Variants in KANK2 observed in about 807,000 individuals in gnomAD.
KANK2 encodes KN motif and ankyrin repeat domains 2.
A neutral mutation model predicts 74.6 loss-of-function variants in KANK2; 41 were observed. The ratio of observed to expected loss-of-function variants is 0.55; its 90% CI spans 0.43 to 0.71. The LOEUF (loss-of-function observed/expected upper bound fraction) is 0.71, where lower values mean the gene tolerates loss of function less well. Ranked by LOEUF, KANK2 falls within the 30% of genes least tolerant of loss-of-function variation. The pLI, the probability that KANK2 is intolerant of heterozygous loss-of-function variation, is 0.00. For missense variants in KANK2, 1,148 were observed against 1,196.4 expected, an observed-to-expected ratio of 0.96 and a Z score of 0.60; for synonymous variants, 537 against 519.0, an observed-to-expected ratio of 1.03 and a Z score of -0.47.
intron 9 of KANK2, among the ~76,000 whole-genome samples, chr19:11,173,709 G>C (rs1177310173): frequency 6.6e-6 from 1 of 152,208 alleles, no homozygotes; most frequent in Non-Finnish European, 1.5e-5. Flanking sequence ...TGGGAAGGAA[G>C]TGTCTCCTCC....
At chr19:11,181,538 C>T (rs386474433) in intron 4 of KANK2, among the ~76,000 whole-genome samples, 294 of 152,208 alleles carry the variant, frequency 1.9e-3, no homozygotes, top group Non-Finnish European at 2.9e-3. Context: ...GGAACCACTG[C>T]GCCCAGCCCT....
At position 11,164,970 on chromosome 19, in the gene KANK2, CCTCGAAAGGG is replaced by C. The variant is rs2077991517; in HGVS notation, c.*1578_*1587del. 1 of 152,132 alleles carries C rather than the reference CCTCGAAAGGG, an allele frequency of 6.6e-6. No homozygotes were observed. Among genetic ancestry groups the C allele is most frequent in the Non-Finnish European group, 1.5e-5 (1 of 68,040 alleles). 9.4% of individuals were successfully genotyped at this position (152,132 alleles called of 1,614,324 possible). ...AAGCCTTGGAGGCTGAGCTCACTGG[CCTCGAAAGGG>C]CAGCGCGCGTATTTGGTTTGGAGCG... On this transcript the variant is annotated 3_prime_UTR_variant, in exon 13 of 13. Coordinates refer to ENST00000586659, the MANE Select transcript of KANK2 (RefSeq NM_001136191.3).
chr19:11,166,854 G>T (rs961295617), intron 12 of KANK2, among the ~76,000 whole-genome samples: 2 of 152,144 alleles, frequency 1.3e-5, no homozygotes, highest in Admixed American at 1.3e-4. Context: ...GTCAGGGAGG[G>T]TGAGTTCTCA....
chr19:11,194,404 G>C (rs1164746061), intron 3 of KANK2, 71 bp downstream of exon 3: 1 of 1,282,278 alleles, frequency 7.8e-7, no homozygotes, highest in Non-Finnish European at 1.1e-6. Context: ...CCAGGGCAAG[G>C]TCCCCAGCCC....
At chr19:11,180,520 A>G (rs1313798842) in intron 4 of KANK2, among the ~76,000 whole-genome samples, 1 of 152,248 alleles carries the variant, frequency 6.6e-6, no homozygotes, top group African/African-American at 2.4e-5. Context: ...GGCCGGCTGC[A>G]TGAGACACTC....
At chr19:11,167,813 C>T in intron 12 of KANK2, among the ~76,000 whole-genome samples, 1 of 151,644 alleles carries the variant, frequency 6.6e-6, no homozygotes. Context: ...CAGGCGTGAA[C>T]CAGTGAGTCT....
intron 2 of KANK2, 107 bp downstream of exon 2, chr19:11,195,515 T>C (rs968151540): frequency 1.3e-5 from 2 of 152,388 alleles, no homozygotes; most frequent in African/African-American, 4.8e-5. Context: ...ACCATCAGAG[T>C]AAATCCTTTC....
intron 7 of KANK2, 143 bp downstream of exon 7, chr19:11,176,435 G>T: frequency 1.9e-5 from 18 of 961,206 alleles, no homozygotes; most frequent in Non-Finnish European, 2.7e-5. Context: ...ATGCCCAGAA[G>T]GAGCAAGTGC....
intron 12 of KANK2, 92 bp downstream of exon 12, chr19:11,169,785 A>C (rs1441939063): frequency 1.9e-6 from 2 of 1,079,688 alleles, no homozygotes; most frequent in Non-Finnish European, 2.8e-6. Flanking sequence ...TGGGCGACAG[A>C]GTGAGACTCT....
At chr19:11,188,587 C>G (rs1280736786) in intron 4 of KANK2, among the ~76,000 whole-genome samples, 1 of 151,442 alleles carries the variant, frequency 6.6e-6, no homozygotes, top group East Asian at 1.9e-4. Flanking sequence ...TTGATAAGCC[C>G]GAGCCTTTGC....
intron 4 of KANK2, among the ~76,000 whole-genome samples, chr19:11,188,240 ACT>A (rs1204251814): frequency 6.7e-6 from 1 of 149,362 alleles, no homozygotes; most frequent in Non-Finnish European, 1.5e-5. Flanking sequence ...TCTCACTCTC[ACT>A]CTGTCGCCCA....
At chr19:11,181,699 T>C (rs930305517) in intron 4 of KANK2, among the ~76,000 whole-genome samples, 1 of 151,738 alleles carries the variant, frequency 6.6e-6, no homozygotes, top group Non-Finnish European at 1.5e-5. Flanking sequence ...TGCGCAACAG[T>C]GTGAATGGGC....
rs534395223 is a variant in KANK2 at position 11,193,573 on chromosome 19, T to C, written c.507A>G (p.Pro169=). The part of the protein sequence containing the change: ...LVGVGLPPPT[P]RSSGLSTPVP... ...CCGGTGTGGACAGTCCTGAACTCCG[T>C]GGTGTCGGGGGTGGCAACCCCACGC... Residue 169 remains proline, a synonymous_variant, in exon 4 of 13, where the codon CCA becomes CCG. Coordinates refer to ENST00000586659, the MANE Select transcript of KANK2 (RefSeq NM_001136191.3). The surrounding 1 kb of genome is among the most constrained non-coding windows in gnomAD (Gnocchi z 9.6). 72 of 1,591,232 alleles carry C rather than the reference T, an allele frequency of 4.5e-5. No individual in the cohort carries two copies. The East Asian group carries it at 1.3e-3, about 29-fold the overall frequency.
At chr19:11,179,648 T>TAA (rs113747994) in intron 4 of KANK2, among the ~76,000 whole-genome samples, 3 of 121,950 alleles carry the variant, frequency 2.5e-5, no homozygotes, top group South Asian at 5.2e-4. Flanking sequence ...AAATAAAAAA[T>TAA]AAAAAAAAAA....
At chr19:11,190,495 G>A (rs2078811159) in intron 4 of KANK2, among the ~76,000 whole-genome samples, 1 of 152,156 alleles carries the variant, frequency 6.6e-6, no homozygotes, top group Admixed American at 6.6e-5. Flanking sequence ...CTAAGCCTCA[G>A]TTTCCCCAGG....
chr19:11,171,882 A>G (rs996126165), intron 10 of KANK2, among the ~76,000 whole-genome samples: 17 of 146,186 alleles, frequency 1.2e-4, no homozygotes, highest in African/African-American at 4.4e-4. Context: ...CACCATGTTG[A>G]TTAGGCTGGT....
chr19:11,192,725 G>A (rs753748293), intron 4 of KANK2, 106 bp downstream of exon 4: 28 of 1,417,112 alleles, frequency 2.0e-5, no homozygotes, highest in South Asian at 5.8e-5. Flanking sequence ...ATGCGCCACC[G>A]CACCCTGCCT....
rs755418866 is a variant in KANK2 at position 11,192,795 on chromosome 19, C to CA, written c.1249+35dup. The CA allele has an allele frequency of 7.8e-6, 12 of 1,537,146 alleles. No individual in the cohort carries two copies. The South Asian group carries it at 9.1e-5, about 12-fold the overall frequency. On this transcript the variant is annotated intron_variant, in intron 4 of 12. Transcript: ENST00000586659. The stretch of plus-strand genomic sequence containing the variant: ...TGGGAAGAAAGAGGCCCCCCCCCCC[C>CA]AAGCCATTCTCCCCTGCCTGCCTGC...
Position 11,193,233 on chromosome 19 carries a change from C to T in KANK2, c.847G>A (p.Ala283Thr), listed in dbSNP as rs1352416440. ...ACAGCGACCTTGGCGGCGAGGGCAG[C>T]CTCCCCATCAGGCATGCCCAAGTCC... The part of the protein sequence containing the change: ...ERDLGMPDGE[A>T]ALAAKVAVLE... The change falls in exon 4 of 13, where the codon GCT becomes ACT. Residue 283 changes from alanine to threonine, a missense_variant. By Grantham distance (58) the Ala-to-Thr change is moderately conservative. Coordinates refer to ENST00000586659, the MANE Select transcript of KANK2 (RefSeq NM_001136191.3). The surrounding 1 kb of genome is among the most constrained non-coding windows in gnomAD (Gnocchi z 9.6). 3 of 1,609,730 alleles carry T rather than the reference C, an allele frequency of 1.9e-6. No individual in the cohort carries two copies. Among genetic ancestry groups the T allele is most frequent in the Non-Finnish European group, 2.5e-6 (3 of 1,179,756 alleles).
Sources: allele counts gnomAD v4.1 joint callset (sites outside exome capture counted in the v4.1 genomes callset), GRCh38; gene constraint gnomAD v4.1.1; non-coding constraint Gnocchi (gnomAD v3.1); transcripts MANE v1.5; gene names NCBI Gene and HGNC (gene_info 2026-07-23, HGNC 2026-07-21).